SCLT1: variants seen among roughly 807,000 people sequenced by gnomAD.
The protein encoded by SCLT1 is sodium channel-associated protein 1.
SCLT1 carries 78 observed loss-of-function variants against 112.8 expected under a neutral mutation model. The observed-to-expected ratio is 0.69, with a 90% CI of 0.58 to 0.83. SCLT1 has a LOEUF of 0.83. Ranked by LOEUF, SCLT1 falls within the 40% of genes least tolerant of loss-of-function variation. The pLI is 0.00. For missense variants in SCLT1, 747 were observed against 770.4 expected, an observed-to-expected ratio of 0.97 and a Z score of 0.36; for synonymous variants, 257 against 254.7, an observed-to-expected ratio of 1.01 and a Z score of -0.09.
At chr4:128,945,926 AAAAAG>A (rs2125993127) in intron 16 of SCLT1, 76 bp downstream of exon 16, 1 of 922,632 alleles carries the variant, frequency 1.1e-6, no homozygotes, top group South Asian at 1.8e-5. Flanking sequence ...TCCTACCAAA[AAAAAG>A]AAAAGGTAGC....
rs568059639 is a variant in SCLT1, at chr4:129,067,829, C to CT, written c.102+14476dup. ...GCCTGGCAAAGAAGTAATATTTTAA[C>CT]TTTTTTTTTTTTTTTTAAATGTTAT... On this transcript the variant is annotated intron_variant, in intron 2 of 20. Coordinates refer to ENST00000281142, the MANE Select transcript of SCLT1 (RefSeq NM_144643.4). 7.3e-3 allele frequency among the ~76,000 whole-genome samples: 1,040 copies of CT among 142,032 alleles called. 6 individuals are homozygous for CT. The highest frequency in any genetic ancestry group is 0.02 in the African/African-American group (767 of 39,014). 93.2% of individuals were successfully genotyped at this position (142,032 alleles called of 152,430 possible).
intron 18 of SCLT1, among the ~76,000 whole-genome samples, chr4:128,924,380 C>T (rs1388102355): frequency 6.6e-6 from 1 of 152,030 alleles, no homozygotes. Flanking sequence ...GCAATTCTCG[C>T]TCTTCAGCTT....
chr4:128,939,210 T>C (rs577302231), intron 17 of SCLT1, among the ~76,000 whole-genome samples: 2 of 152,340 alleles, frequency 1.3e-5, no homozygotes, highest in South Asian at 2.1e-4. Flanking sequence ...ATTTCCACTA[T>C]AATGCCTTTT....
intron 10 of SCLT1, among the ~76,000 whole-genome samples, chr4:128,966,699 G>A (rs1191142411): frequency 6.6e-6 from 1 of 152,120 alleles, no homozygotes; most frequent in Non-Finnish European, 1.5e-5. Context: ...GTCTGCTGGG[G>A]ACAAACTCTC....
At chr4:129,044,826 C>T (rs1439000013) in intron 2 of SCLT1, among the ~76,000 whole-genome samples, 1 of 128,478 alleles carries the variant, frequency 7.8e-6, no homozygotes, top group Non-Finnish European at 1.6e-5. Context: ...GATAATCTCA[C>T]CAAAAAAAAA....
At chr4:128,933,072 C>G (rs1287033515) in intron 18 of SCLT1, among the ~76,000 whole-genome samples, 2 of 152,080 alleles carry the variant, frequency 1.3e-5, no homozygotes, top group African/African-American at 4.8e-5. Context: ...ATTCCAATGA[C>G]ATTTTTCACA....
intron 5 of SCLT1, among the ~76,000 whole-genome samples, chr4:129,020,493 G>A (rs964259413): frequency 1.3e-5 from 2 of 152,190 alleles, no homozygotes; most frequent in Admixed American, 6.5e-5. Context: ...TACAAGTGAT[G>A]GCAATTAGCT....
intron 2 of SCLT1, among the ~76,000 whole-genome samples, chr4:129,061,872 C>T (rs1485812195): frequency 6.6e-6 from 1 of 152,162 alleles, no homozygotes; most frequent in South Asian, 2.1e-4. Context: ...CAGTGCATAG[C>T]ACACTAGTTG....
At chr4:128,904,298 G>A (rs1195344993) in intron 18 of SCLT1, among the ~76,000 whole-genome samples, 1 of 152,020 alleles carries the variant, frequency 6.6e-6, no homozygotes, top group Non-Finnish European at 1.5e-5. Flanking sequence ...TACGTTTTTA[G>A]TTCACTTATA....
Position 128,920,180 on chromosome 4 carries a change from T to G in SCLT1, c.1829+16475A>C, listed in dbSNP as rs576785919. 1.2e-4 allele frequency among the ~76,000 whole-genome samples: 18 copies of G among 152,210 alleles called. No homozygotes were observed. In the South Asian group the frequency reaches 1.9e-3, roughly 16 times the overall value. On this transcript the variant is annotated intron_variant, in intron 18 of 20. Transcript: ENST00000281142. ...CTAGCAAATTGAATCCAGCAGCACA[T>G]CAAAAAGACGATCCGCCACAATCAA...
intron 16 of SCLT1, among the ~76,000 whole-genome samples, chr4:128,944,477 C>T (rs548481181): frequency 3.3e-5 from 5 of 152,162 alleles, no homozygotes; most frequent in African/African-American, 1.2e-4. Flanking sequence ...TAAATAGCAT[C>T]AATATACAGG....
intron 9 of SCLT1, among the ~76,000 whole-genome samples, chr4:128,985,527 A>AT (rs1276900681): frequency 2.0e-5 from 3 of 152,128 alleles, no homozygotes; most frequent in Admixed American, 1.3e-4. Context: ...CGATGAGTTA[A>AT]TTATTCTCAT....
At chr4:129,038,769 T>C (rs1449148364) in intron 5 of SCLT1, among the ~76,000 whole-genome samples, 1 of 152,178 alleles carries the variant, frequency 6.6e-6, no homozygotes. Flanking sequence ...TGTATGCTAC[T>C]CCAAGTACTT....
At chr4:129,042,734 C>T (rs190446297) in intron 4 of SCLT1, among the ~76,000 whole-genome samples, 439 of 152,230 alleles carry the variant, frequency 2.9e-3, no homozygotes, top group Admixed American at 4.6e-3. Flanking sequence ...AAGCCTCGAC[C>T]TCCCAGGCTG....
At chr4:129,003,905 C>T (rs1191135552) in intron 5 of SCLT1, 29 bp from the exon 6 acceptor site, 7 of 1,601,892 alleles carry the variant, frequency 4.4e-6, no homozygotes, top group Non-Finnish European at 6.0e-6. Flanking sequence ...ACATGATAGC[C>T]TCAAGTCATT....
intron 5 of SCLT1, among the ~76,000 whole-genome samples, chr4:129,008,461 T>C (rs1744223447): frequency 6.6e-6 from 1 of 152,216 alleles, no homozygotes; most frequent in Non-Finnish European, 1.5e-5. Context: ...ATTTTGTAGA[T>C]GTTTTTGCAT....
chr4:128,929,718 G>GACATAT (rs1167449118), intron 18 of SCLT1, among the ~76,000 whole-genome samples: 4 of 152,156 alleles, frequency 2.6e-5, no homozygotes, highest in Non-Finnish European at 4.4e-5. Context: ...ATGACAAAAG[G>GACATAT]GGCAGTGCAA....
rs760824351 is a variant in SCLT1, at chr4:128,992,215, G to A, written c.638C>T (p.Thr213Ile). 77 of 1,598,732 alleles carry A rather than the reference G, an allele frequency of 4.8e-5. No homozygotes were observed. The Admixed American group carries it at 1.3e-3, about 27-fold the overall frequency. Residue 213 changes from threonine (T) to isoleucine (I), a missense_variant, in exon 9 of 21, where the codon ACA becomes ATA. Thr to Ile is a moderately conservative substitution (Grantham distance 89). Coordinates refer to ENST00000281142, the MANE Select transcript of SCLT1 (RefSeq NM_144643.4). ...MEVTNQQFLKTVTEQSVIIEQ... is the reference protein window; with the variant it reads ...MEVTNQQFLKIVTEQSVIIEQ... ...GATTATCACACTTTGTTCAGTTACT[G>A]TTTTCAGAAACTGTTGGTTAGTCTG...
intron 19 of SCLT1, 132 bp from the exon 20 acceptor site, chr4:128,888,906 C>G (rs1733095913): frequency 2.2e-6 from 1 of 454,058 alleles, no homozygotes; most frequent in African/African-American, 2.0e-5. Context: ...TCCAAATTTA[C>G]ATTTTTCAAG....
Sources: allele counts gnomAD v4.1 joint callset (sites outside exome capture counted in the v4.1 genomes callset), GRCh38; gene constraint gnomAD v4.1.1; transcripts MANE v1.5; gene names NCBI Gene and HGNC (gene_info 2026-07-23, HGNC 2026-07-21).